The following SLC24A2 variants were observed in gnomAD, a reference collection of about 807,000 sequenced individuals.
SLC24A2 encodes the protein solute carrier family 24 member 2.
A neutral mutation model predicts 62.0 loss-of-function variants in SLC24A2; 36 were observed. The ratio of observed to expected loss-of-function variants is 0.58; its 90% CI spans 0.44 to 0.77. The LOEUF (loss-of-function observed/expected upper bound fraction) is 0.77. Among genes scored for constraint, SLC24A2 ranks in the 30% least tolerant of loss-of-function variants. SLC24A2 has a pLI of 0.00. For missense variants in SLC24A2, 846 were observed against 817.9 expected, an observed-to-expected ratio of 1.03 and a Z score of -0.42; for synonymous variants, 358 against 294.0, an observed-to-expected ratio of 1.22 and a Z score of -2.23.
the SLC24A2 span, among the ~76,000 whole-genome samples, chr9:20,066,269 T>G: frequency 6.6e-6 from 1 of 152,216 alleles, no homozygotes; most frequent in Non-Finnish European, 1.5e-5. Context: ...GCGGTTTCAT[T>G]TCCTTTGCCT....
the SLC24A2 span, among the ~76,000 whole-genome samples, chr9:20,018,677 C>T: frequency 6.6e-6 from 1 of 152,054 alleles, no homozygotes; most frequent in Non-Finnish European, 1.5e-5. Flanking sequence ...TTTTGAGAAC[C>T]CACTACACAC....
At position 19,512,442 on chromosome 9, in the gene SLC24A2, C is replaced by G. The variant is rs1448011837; in HGVS notation, c.*3711G>C. 1.3e-5 allele frequency: 2 copies of G among 152,220 alleles called. No homozygotes were observed. Among genetic ancestry groups the G allele is most frequent in the Non-Finnish European group, 2.9e-5 (2 of 68,070 alleles). The allele number at this position is 152,220 out of a possible 1,614,324, so 9.4% of individuals were successfully genotyped here. A position where few individuals can be genotyped will look rare whatever the true frequency, so the allele number is the denominator to read the frequency against. ...GGTATAAACAACCCTATCCCTTAGT[C>G]CCTGCATATATCATTGCTCTGTCAC... On this transcript the variant is annotated 3_prime_UTR_variant, in exon 11 of 11. Coordinates refer to ENST00000341998, the MANE Select transcript of SLC24A2 (RefSeq NM_020344.4).
chr9:20,235,727 C>T, the SLC24A2 span, among the ~76,000 whole-genome samples: 1 of 152,214 alleles, frequency 6.6e-6, no homozygotes, highest in South Asian at 2.1e-4. Flanking sequence ...CGGTGTACTG[C>T]ACCCACTGTC....
At chr9:19,927,179 C>T in the SLC24A2 span, 8 of 152,256 alleles carry the variant, frequency 5.3e-5, no homozygotes, top group Non-Finnish European at 1.0e-4. Context: ...CCTTCATCAG[C>T]AATTCCACAC....
chr9:19,808,384 A>C, the SLC24A2 span, among the ~76,000 whole-genome samples: 1 of 152,216 alleles, frequency 6.6e-6, no homozygotes, highest in African/African-American at 2.4e-5. This position sits in a 1 kb window ranked among gnomAD's most constrained non-coding sequence, Gnocchi z 4.1. Flanking sequence ...ATTTACATAG[A>C]GTATTTGACT....
At chr9:20,032,786 G>A in the SLC24A2 span, among the ~76,000 whole-genome samples, 7 of 152,200 alleles carry the variant, frequency 4.6e-5, no homozygotes, top group Admixed American at 4.6e-4. Context: ...TAAGGAACAG[G>A]AAGGACCCAA....
chr9:19,700,118 C>T (rs1447878395), intron 2 of SLC24A2, among the ~76,000 whole-genome samples: 1 of 152,196 alleles, frequency 6.6e-6, no homozygotes, highest in Non-Finnish European at 1.5e-5. Flanking sequence ...TAAATGCAAG[C>T]TATGTCTCAC....
the SLC24A2 span, among the ~76,000 whole-genome samples, chr9:20,304,969 C>CT: frequency 6.6e-6 from 1 of 152,034 alleles, no homozygotes; most frequent in Non-Finnish European, 1.5e-5. Flanking sequence ...CATACCATGC[C>CT]TCTATCCAAC....
the SLC24A2 span, among the ~76,000 whole-genome samples, chr9:19,820,058 C>CATATATATATACATATAT: frequency 2.9e-5 from 1 of 34,622 alleles, no homozygotes; most frequent in African/African-American, 6.8e-5. Context: ...TATATATACA[C>CATATATATATACATATAT]ATATATATAT....
the SLC24A2 span, among the ~76,000 whole-genome samples, chr9:19,838,253 G>C: frequency 6.6e-6 from 1 of 152,056 alleles, no homozygotes; most frequent in Non-Finnish European, 1.5e-5. Context: ...AGAGCCCTCA[G>C]AAATAATGCC....
In SLC24A2 at chr9:19,619,581, T is replaced by C. The variant is rs1376737653; in HGVS notation, c.1078+3A>G. On this transcript the variant is annotated splice_donor_region_variant and intron_variant, in intron 4 of 10. Coordinates refer to ENST00000341998, the MANE Select transcript of SLC24A2 (RefSeq NM_020344.4). ...AGTTCCCAAACCAAAGCTTGATGTT[T>C]ACCTTCGGCGAGTGGGTCAAGGGTG... 4 of 1,608,870 alleles carry C rather than the reference T, an allele frequency of 2.5e-6. No homozygotes were observed. The highest frequency in any genetic ancestry group is 2.2e-5 in the East Asian group (1 of 44,870).
chr9:20,058,998 G>T, the SLC24A2 span, among the ~76,000 whole-genome samples: 1 of 152,216 alleles, frequency 6.6e-6, no homozygotes, highest in Non-Finnish European at 1.5e-5. Context: ...TGTGCAGTTA[G>T]TGAGTGCATT....
the SLC24A2 span, among the ~76,000 whole-genome samples, chr9:20,121,772 C>A: frequency 6.6e-6 from 1 of 152,130 alleles, no homozygotes; most frequent in Non-Finnish European, 1.5e-5. Context: ...TGAAACTTCT[C>A]TCTAAAAAAG....
the SLC24A2 span, among the ~76,000 whole-genome samples, chr9:20,165,650 A>C: frequency 6.6e-6 from 1 of 152,046 alleles, no homozygotes; most frequent in East Asian, 1.9e-4. Context: ...TAAATGTATC[A>C]GGGATCCATG....
the SLC24A2 span, among the ~76,000 whole-genome samples, chr9:20,234,898 G>T: frequency 6.6e-6 from 1 of 152,148 alleles, no homozygotes; most frequent in Non-Finnish European, 1.5e-5. Context: ...GTACAGATGG[G>T]TTTTTGGTGT....
intron 4 of SLC24A2, among the ~76,000 whole-genome samples, chr9:19,617,399 A>C (rs1817796366): frequency 1.3e-5 from 2 of 152,170 alleles, no homozygotes. Flanking sequence ...AACATGTTTG[A>C]ATTGTGCATC....
chr9:20,083,203 A>G, the SLC24A2 span, among the ~76,000 whole-genome samples: 2 of 152,238 alleles, frequency 1.3e-5, no homozygotes, highest in African/African-American at 4.8e-5. Flanking sequence ...ATGATGAACA[A>G]AAGTGCATTG....
rs1203196191 is a variant in SLC24A2 at position 19,728,808 on chromosome 9, G to C, written c.930+57129C>G. On this transcript the variant is annotated intron_variant, in intron 2 of 10. Coordinates refer to ENST00000341998, the MANE Select transcript of SLC24A2 (RefSeq NM_020344.4). ...TAGAAGGTTTTATTTACTGATGAGA[G>C]AGGGCATATTCAATATCAAAAAATT... Among the ~76,000 whole-genome samples, 3 of 152,162 alleles carry C rather than the reference G, an allele frequency of 2.0e-5. No homozygotes were observed. The East Asian group carries it at 5.8e-4, about 29-fold the overall frequency.
chr9:19,672,934 A>G (rs1007198095), intron 2 of SLC24A2, among the ~76,000 whole-genome samples: 1 of 146,372 alleles, frequency 6.8e-6, no homozygotes, highest in African/African-American at 2.7e-5. Context: ...AAATTTATTG[A>G]GACTTGTTTT....
Sources: gnomAD v4.1 joint callset for allele counts (sites outside exome capture counted in the v4.1 genomes callset) on GRCh38, gnomAD v4.1.1 for gene constraint, Gnocchi (gnomAD v3.1) non-coding constraint, MANE v1.5 for transcripts, NCBI Gene and HGNC (gene_info 2026-07-23, HGNC 2026-07-21) for gene names.